Variants in MYO3A observed in about 807,000 individuals in gnomAD.
MYO3A encodes myosin-IIIa.
Under a neutral mutation model 192.7 loss-of-function variants are expected in MYO3A, and 180 were observed. The ratio of observed to expected loss-of-function variants is 0.93; its 90% CI spans 0.83 to 1.06. The LOEUF (loss-of-function observed/expected upper bound fraction) is 1.06. Ranked by LOEUF, MYO3A falls within the 50% of genes least tolerant of loss-of-function variation. The pLI, the probability that MYO3A is intolerant of heterozygous loss-of-function variation, is 0.00. For missense variants in MYO3A, 1,896 were observed against 1,905.0 expected (o/e 1.00, Z 0.09); for synonymous variants, 628 against 645.3 (o/e 0.97, Z 0.41).
At chr10:26,005,261 T>C (rs907688230) in intron 6 of MYO3A, among the ~76,000 whole-genome samples, 3 of 152,010 alleles carry the variant, frequency 2.0e-5, no homozygotes, top group Admixed American at 6.6e-5. Flanking sequence ...TGAGGGAATA[T>C]ACAACAAACC....
chr10:25,997,537 G>A lies in MYO3A; in HGVS notation c.508+279G>A, dbSNP rs77372144. ...ACAGACAGCATCTCAAATGATTACT[G>A]TAAGCCTATAATGACAATCTCATGG... On this transcript the variant is annotated intron_variant, in intron 6 of 34. Coordinates refer to ENST00000642920, the MANE Select transcript of MYO3A (RefSeq NM_017433.5). Among the ~76,000 whole-genome samples, 1,725 of 152,286 alleles carry A rather than the reference G, an allele frequency of 0.011. 37 individuals carry two copies. Among genetic ancestry groups the A allele is most frequent in the African/African-American group, 0.037 (1,539 of 41,540 alleles).
intron 14 of MYO3A, among the ~76,000 whole-genome samples, chr10:26,081,067 G>A (rs1028028386): frequency 1.3e-5 from 2 of 151,030 alleles, no homozygotes; most frequent in African/African-American, 4.9e-5. Context: ...GAAAGTATCA[G>A]CTGTGGTAGT....
intron 10 of MYO3A, among the ~76,000 whole-genome samples, chr10:26,041,138 A>G (rs556821315): frequency 7.2e-5 from 11 of 152,228 alleles, no homozygotes; most frequent in African/African-American, 2.4e-4. Flanking sequence ...TTATCATTAC[A>G]TAGTGACCTT....
intron 5 of MYO3A, 46 bp from the exon 6 acceptor site, chr10:25,997,113 G>T (rs1239161241): frequency 1.3e-6 from 2 of 1,488,870 alleles, no homozygotes; most frequent in South Asian, 1.1e-5. Flanking sequence ...AATTTTTATT[G>T]TTTGATGCTT....
chr10:26,145,045 G>T (rs1840371289), intron 21 of MYO3A, among the ~76,000 whole-genome samples: 1 of 152,134 alleles, frequency 6.6e-6, no homozygotes, highest in Non-Finnish European at 1.5e-5. Context: ...CAGGCATGGT[G>T]TCGGGCTCCT....
rs769245441 is a variant in MYO3A, at chr10:26,024,035, A to C, written c.745A>C (p.Lys249Gln). Reference protein sequence around the residue: ...LFKIPRNPPPKLRQPELWSAE... With the variant: ...LFKIPRNPPPQLRQPELWSAE... ...TTATTTTTCTAGGAATCCACCCCCA[A>C]AACTAAGGCAGCCTGAGCTATGGTC... Residue 249 changes from lysine (K) to glutamine (Q), a missense_variant, in exon 9 of 35, where the codon AAA becomes CAA. Transcript: ENST00000642920. The C allele has an allele frequency of 3.1e-6, 5 of 1,612,956 alleles. No individual in the cohort carries two copies. In the African/African-American group the frequency reaches 6.7e-5, roughly 22 times the overall value.
chr10:26,164,475 T>C (rs1013042557), intron 26 of MYO3A, among the ~76,000 whole-genome samples: 4 of 152,124 alleles, frequency 2.6e-5, no homozygotes, highest in Admixed American at 6.5e-5. Context: ...TCCAGTGATA[T>C]AGTAGAGAAG....
At chr10:25,952,044 A>G in intron 2 of MYO3A, 50 bp from the exon 3 acceptor site, 2 of 1,422,230 alleles carry the variant, frequency 1.4e-6, no homozygotes, top group Non-Finnish European at 9.9e-7. Context: ...TGTGTGTGCC[A>G]TTTGATATCC....
chr10:25,936,971 A>G (rs1371152506), intron 2 of MYO3A, among the ~76,000 whole-genome samples: 1 of 146,490 alleles, frequency 6.8e-6, no homozygotes, highest in Non-Finnish European at 1.5e-5. Context: ...TTATAGTTAT[A>G]GATCATGTCT....
At chr10:26,035,601 G>A (rs1474008615) in intron 10 of MYO3A, among the ~76,000 whole-genome samples, 2 of 152,144 alleles carry the variant, frequency 1.3e-5, no homozygotes, top group African/African-American at 4.8e-5. Flanking sequence ...TGCTGGAAAG[G>A]AACTTTGAAT....
At chr10:25,987,759 CACCACTATGGA>C (rs1231191183) in intron 4 of MYO3A, among the ~76,000 whole-genome samples, 2 of 151,658 alleles carry the variant, frequency 1.3e-5, no homozygotes, top group Admixed American at 1.3e-4. Flanking sequence ...CTCCCATCAA[CACCACTATGGA>C]ACCACTATGG....
intron 6 of MYO3A, among the ~76,000 whole-genome samples, chr10:26,016,395 G>A (rs923932599): frequency 3.9e-5 from 6 of 152,216 alleles, no homozygotes; most frequent in Admixed American, 3.3e-4. Context: ...ACACCATATA[G>A]GACATTCTCA....
chr10:26,034,591 G>C (rs138567138), intron 10 of MYO3A, among the ~76,000 whole-genome samples: 77 of 152,246 alleles, frequency 5.1e-4, no homozygotes, highest in Non-Finnish European at 4.0e-4. Context: ...CATGAATCAA[G>C]AAACTGGATA....
rs1424243140 is a variant in MYO3A, at chr10:26,170,387, A to G, written c.3275-29A>G. ...AAATTTCTTTTATTTGTTTATAATT[A>G]ACACTACTATGGGCTTTCTGTGTTT... is the stretch of plus-strand genomic sequence containing the variant. On this transcript the variant is annotated intron_variant, in intron 28 of 34. Coordinates refer to ENST00000642920, the MANE Select transcript of MYO3A (RefSeq NM_017433.5). The G allele has an allele frequency of 3.1e-6, 5 of 1,610,086 alleles. No homozygotes were observed. The Middle Eastern group carries it at 5.1e-4, about 164-fold the overall frequency.
chr10:26,082,210 T>C (rs560724902), intron 14 of MYO3A, among the ~76,000 whole-genome samples: 42 of 152,324 alleles, frequency 2.8e-4, no homozygotes, highest in African/African-American at 9.6e-4. Context: ...ACATTAATTC[T>C]TCCGATCCCT....
intron 10 of MYO3A, among the ~76,000 whole-genome samples, chr10:26,045,236 T>G (rs895425312): frequency 1.3e-5 from 2 of 152,184 alleles, no homozygotes; most frequent in African/African-American, 4.8e-5. Flanking sequence ...CATGAGCACT[T>G]GTGAGACATA....
chr10:26,132,667 G>GTT (rs35028092), intron 20 of MYO3A, among the ~76,000 whole-genome samples: 65,358 of 149,970 alleles, frequency 0.44, 14,235 homozygotes, highest in Middle Eastern at 0.52. Context: ...CTGAACTAAA[G>GTT]TTTTTTTTTT....
Position 26,164,925 on chromosome 10 carries a change from C to T in MYO3A, c.3000-1142C>T, listed in dbSNP as rs117068507. On this transcript the variant is annotated intron_variant, in intron 26 of 34. Coordinates refer to ENST00000642920, the MANE Select transcript of MYO3A (RefSeq NM_017433.5). ...TACTGGGTCACCATGTGTACATGAG[C>T]GAGTTAGTCCTGAAGTGAGCAGGCC... 1.9e-3 allele frequency among the ~76,000 whole-genome samples: 286 copies of T among 152,242 alleles called. 5 individuals are homozygous for T. In the East Asian group the frequency reaches 0.044, roughly 24 times the overall value.
At chr10:25,969,132 G>A (rs541372638) in intron 4 of MYO3A, among the ~76,000 whole-genome samples, 79 of 152,142 alleles carry the variant, frequency 5.2e-4, no homozygotes, top group African/African-American at 1.7e-3. Flanking sequence ...CCAGCTACTC[G>A]GGAGGCAGGA....
Sources: allele counts gnomAD v4.1 joint callset (sites outside exome capture counted in the v4.1 genomes callset), GRCh38; gene constraint gnomAD v4.1.1; transcripts MANE v1.5; gene names NCBI Gene and HGNC (gene_info 2026-07-23, HGNC 2026-07-21).